Variants in SLIT3 observed in about 807,000 individuals in gnomAD.
SLIT3 encodes slit guidance ligand 3, also known as slit homolog 3 protein.
In SLIT3, 68 loss-of-function variants were observed where a neutral mutation model predicts 184.0. The ratio of observed to expected loss-of-function variants is 0.37; its 90% CI spans 0.30 to 0.45. The LOEUF (loss-of-function observed/expected upper bound fraction) is 0.45. Ranked by LOEUF, SLIT3 falls within the 20% of genes least tolerant of loss-of-function variation. SLIT3 has a pLI of 1.00. For missense variants in SLIT3, 1,707 were observed against 2,026.0 expected (o/e 0.84, Z 3.02); for synonymous variants, 831 against 828.6 (o/e 1.00, Z -0.05).
At chr5:168,969,171 T>G (rs950598048) in intron 4 of SLIT3, among the ~76,000 whole-genome samples, 3 of 152,186 alleles carry the variant, frequency 2.0e-5, no homozygotes, top group Non-Finnish European at 4.4e-5. Flanking sequence ...ATGAAAGAAC[T>G]GTTGGGCGTT....
chr5:168,935,944 T>G (rs893876446), intron 4 of SLIT3, among the ~76,000 whole-genome samples: 1 of 152,192 alleles, frequency 6.6e-6, no homozygotes, highest in Non-Finnish European at 1.5e-5. Context: ...GTCTGGCAAC[T>G]GAAAAAATGC....
At chr5:169,193,573 G>A (rs1214340681) in intron 3 of SLIT3, 23 bp from the exon 4 acceptor site, 2 of 1,579,294 alleles carry the variant, frequency 1.3e-6, no homozygotes, top group East Asian at 2.2e-5. Flanking sequence ...GAGAATGGAA[G>A]GATGTCAAGG....
chr5:168,755,389 A>ATTTCTTTCTTTCTTTCTTTCTTTCTTTTC (rs1754862099), intron 16 of SLIT3, among the ~76,000 whole-genome samples: 2 of 133,640 alleles, frequency 1.5e-5, no homozygotes, highest in Non-Finnish European at 3.3e-5. Flanking sequence ...CAGTGCCGCC[A>ATTTCTTTCTTTCTTTCTTTCTTTCTTTTC]TTTCTTTCTT....
chr5:168,772,273 T>C (rs978587720), intron 14 of SLIT3: 1 of 154,100 alleles, frequency 6.5e-6, no homozygotes, highest in African/African-American at 2.4e-5. Context: ...AAAGTGTTTT[T>C]CGTGAACATG....
At chr5:169,023,961 T>G (rs574631824) in intron 4 of SLIT3, 1 of 152,364 alleles carries the variant, frequency 6.6e-6, no homozygotes, top group Admixed American at 6.5e-5. Flanking sequence ...GAGAATGTGA[T>G]TCTGCCAGCT....
chr5:169,225,830 CAA>C (rs1764788992), intron 3 of SLIT3, among the ~76,000 whole-genome samples: 3 of 152,254 alleles, frequency 2.0e-5, no homozygotes, highest in South Asian at 4.1e-4. Context: ...GGCAGGGAAC[CAA>C]AGTTTGGTTT....
chr5:169,047,040 CA>C (rs1360961842), intron 4 of SLIT3, among the ~76,000 whole-genome samples: 2 of 152,152 alleles, frequency 1.3e-5, no homozygotes, highest in Non-Finnish European at 2.9e-5. Flanking sequence ...AAGGAGGATT[CA>C]AGTTCTATTC....
intron 4 of SLIT3, among the ~76,000 whole-genome samples, chr5:169,187,436 C>G (rs1376179323): frequency 6.6e-6 from 1 of 152,044 alleles, no homozygotes; most frequent in Non-Finnish European, 1.5e-5. Flanking sequence ...AAACCATTAC[C>G]AAATATGGAA....
At position 169,271,397 on chromosome 5, in the gene SLIT3, C is replaced by A. The variant is rs1179075097; in HGVS notation, c.198-19938G>T. On this transcript the variant is annotated intron_variant, in intron 1 of 35. Coordinates refer to ENST00000519560, the MANE Select transcript of SLIT3 (RefSeq NM_003062.4). ...TGCGATTACACCTTGCTCCTGGTCC[C>A]TCAAACTCTCAGACAGTGGGCTATT... Among the ~76,000 whole-genome samples the A allele has an allele frequency of 2.6e-5, 4 of 152,190 alleles. No homozygotes were observed. The East Asian group carries it at 7.7e-4, about 29-fold the overall frequency.
rs72827681 is a variant in SLIT3 at position 168,838,093 on chromosome 5, C to T, written c.557+6491G>A. ...TCTGAAGTTTTCTGGGCATTCACTACAGATAATGATCTCACTAGTGCATAT... is the reference window on the plus strand; with the variant it reads ...TCTGAAGTTTTCTGGGCATTCACTATAGATAATGATCTCACTAGTGCATAT... On this transcript the variant is annotated intron_variant, in intron 6 of 35. Transcript: ENST00000519560. 8.4e-3 allele frequency among the ~76,000 whole-genome samples: 1,280 copies of T among 152,326 alleles called. 7 individuals carry two copies. Among genetic ancestry groups the T allele is most frequent in the Non-Finnish European group, 0.013 (872 of 68,034 alleles).
chr5:168,727,783 G>A (rs1462510254), intron 20 of SLIT3, among the ~76,000 whole-genome samples: 2 of 152,190 alleles, frequency 1.3e-5, no homozygotes, highest in African/African-American at 4.8e-5. Flanking sequence ...CACTGGGAGG[G>A]GGTATGTATC....
At chr5:168,945,870 G>A (rs1370484264) in intron 4 of SLIT3, among the ~76,000 whole-genome samples, 1 of 152,204 alleles carries the variant, frequency 6.6e-6, no homozygotes, top group African/African-American at 2.4e-5. Flanking sequence ...AATATCTCTT[G>A]ATTTGTTCTA....
chr5:168,961,526 A>C (rs564116404), intron 4 of SLIT3, among the ~76,000 whole-genome samples: 30 of 152,366 alleles, frequency 2.0e-4, no homozygotes, highest in African/African-American at 6.7e-4. Flanking sequence ...AGCAATAAGT[A>C]CGTTGAAGAC....
At chr5:169,049,104 T>C (rs895667857) in intron 4 of SLIT3, among the ~76,000 whole-genome samples, 3 of 152,192 alleles carry the variant, frequency 2.0e-5, no homozygotes, top group African/African-American at 7.2e-5. Context: ...GCAGGGCCAT[T>C]ACCCATGTTA....
chr5:168,844,868 G>A (rs1758402229), intron 5 of SLIT3: 3 of 458,554 alleles, frequency 6.5e-6, no homozygotes, highest in Non-Finnish European at 1.2e-5. Flanking sequence ...CCAAAAGGCT[G>A]TCAGGTCTCA....
At chr5:169,010,372 G>T (rs1217329348) in intron 4 of SLIT3, among the ~76,000 whole-genome samples, 1 of 152,190 alleles carries the variant, frequency 6.6e-6, no homozygotes, top group Non-Finnish European at 1.5e-5. Context: ...ACTGAGGGTG[G>T]AACTGAAGCG....
chr5:169,252,373 T>A (rs1765806574), intron 1 of SLIT3, among the ~76,000 whole-genome samples: 1 of 152,218 alleles, frequency 6.6e-6, no homozygotes, highest in African/African-American at 2.4e-5. Flanking sequence ...AGAGAAGGAT[T>A]TGCCATAGAA....
intron 4 of SLIT3, among the ~76,000 whole-genome samples, chr5:169,132,331 A>G (rs1310720983): frequency 6.6e-6 from 1 of 152,310 alleles, no homozygotes; most frequent in Non-Finnish European, 1.5e-5. Context: ...AGGAAAAAGA[A>G]GGCATGCCAA....
At chr5:168,763,383 TAA>T (rs1755226567) in intron 14 of SLIT3, among the ~76,000 whole-genome samples, 1 of 152,132 alleles carries the variant, frequency 6.6e-6, no homozygotes, top group Non-Finnish European at 1.5e-5. Flanking sequence ...TGTTGTTTTT[TAA>T]AAAGAGAATC....
Sources: allele counts gnomAD v4.1 joint callset (sites outside exome capture counted in the v4.1 genomes callset), GRCh38; gene constraint gnomAD v4.1.1; transcripts MANE v1.5; gene names NCBI Gene and HGNC (gene_info 2026-07-23, HGNC 2026-07-21).